The following SEC23A variants were observed in gnomAD, a reference collection of about 807,000 sequenced individuals.
SEC23A encodes the protein protein transport protein Sec23A.
In SEC23A, 56 loss-of-function variants were observed where a neutral mutation model predicts 103.7. The observed-to-expected ratio is 0.54, with a 90% CI of 0.44 to 0.67. SEC23A has a LOEUF of 0.67. Ranked by LOEUF, SEC23A falls within the 30% of genes least tolerant of loss-of-function variation. The pLI is 0.00. For synonymous variants in SEC23A, 281 were observed against 293.0 expected (o/e 0.96, Z 0.42); for missense variants, 784 against 936.4 (o/e 0.84, Z 2.12).
intron 7 of SEC23A, among the ~76,000 whole-genome samples, chr14:39,078,075 C>A (rs1403543822): frequency 2.0e-5 from 3 of 151,744 alleles, no homozygotes; most frequent in African/African-American, 4.8e-5. Context: ...CAAAGGGAGA[C>A]CTTGTCTGAA....
chr14:39,054,732 T>C (rs1207925157), intron 14 of SEC23A, among the ~76,000 whole-genome samples: 1 of 152,168 alleles, frequency 6.6e-6, no homozygotes, highest in African/African-American at 2.4e-5. Flanking sequence ...TTAGCCACCA[T>C]TCCTGGCCTA....
intron 9 of SEC23A, among the ~76,000 whole-genome samples, chr14:39,069,024 A>T (rs1234788011): frequency 6.6e-6 from 1 of 152,200 alleles, no homozygotes; most frequent in African/African-American, 2.4e-5. Flanking sequence ...GATTTTCTAC[A>T]AACATGTTAT....
rs150656863 is a variant in SEC23A at position 39,076,652 on chromosome 14, G to A, written c.829-559C>T. On this transcript the variant is annotated intron_variant, in intron 7 of 19. Coordinates refer to ENST00000307712, the MANE Select transcript of SEC23A (RefSeq NM_006364.4). ...AGAACAACAAAAAAAAAGGCCAGGCGTGGTGGCTCGCACTTGTAATCCCAG... is the reference window on the plus strand; with the variant it reads ...AGAACAACAAAAAAAAAGGCCAGGCATGGTGGCTCGCACTTGTAATCCCAG... 5.7e-3 allele frequency among the ~76,000 whole-genome samples: 863 copies of A among 152,048 alleles called. 9 individuals are homozygous for A. The highest frequency in any genetic ancestry group is 0.016 in the African/African-American group (671 of 41,494).
In SEC23A at chr14:39,096,128, T is replaced by G; in HGVS notation, c.-10A>C. 1.3e-6 allele frequency: 2 copies of G among 1,582,290 alleles called. No homozygotes were observed. Among genetic ancestry groups the G allele is most frequent in the Non-Finnish European group, 1.7e-6 (2 of 1,151,056 alleles). ...CCAAATAGGTTGTCATTGTGGAGTT[T>G]GATTCTTATTTCTGTATCAAAATTT... is the stretch of plus-strand genomic sequence containing the variant. On this transcript the variant is annotated 5_prime_UTR_variant, in exon 2 of 20. Coordinates refer to ENST00000307712, the MANE Select transcript of SEC23A (RefSeq NM_006364.4).
chr14:39,035,568 C>A (rs1003933983), intron 19 of SEC23A, among the ~76,000 whole-genome samples: 22 of 152,150 alleles, frequency 1.4e-4, no homozygotes, highest in African/African-American at 5.3e-4. Context: ...ACCAGCCTTC[C>A]ACCCTTCCAA....
chr14:39,058,465 G>A (rs541031078), intron 13 of SEC23A, among the ~76,000 whole-genome samples: 6 of 152,134 alleles, frequency 3.9e-5, no homozygotes, highest in South Asian at 2.1e-4. Context: ...CCGCCACCAC[G>A]CCCGGCTAAT....
Position 39,045,206 on chromosome 14 carries a change from A to G in SEC23A, c.1856T>C (p.Ile619Thr), listed in dbSNP as rs370086460. ...AGAATACGCATACAGGATAGGCTGAATCATAATTAGAGACTGGGTCAGATC... is the reference window on the plus strand; with the variant it reads ...AGAATACGCATACAGGATAGGCTGAGTCATAATTAGAGACTGGGTCAGATC... ...RQDLTQSLIMIQPILYAYSFS... is the reference protein window; with the variant it reads ...RQDLTQSLIMTQPILYAYSFS... The change falls in exon 16 of 20, where the codon ATT becomes ACT. Residue 619 changes from isoleucine to threonine, a missense_variant. Ile to Thr is a moderately conservative substitution (Grantham distance 89, BLOSUM62 -1). Coordinates refer to ENST00000307712, the MANE Select transcript of SEC23A (RefSeq NM_006364.4). The G allele has an allele frequency of 1.1e-4, 183 of 1,613,656 alleles. No homozygotes were observed. The highest frequency in any genetic ancestry group is 1.5e-4 in the Non-Finnish European group (176 of 1,179,836).
intron 14 of SEC23A, among the ~76,000 whole-genome samples, chr14:39,050,611 G>C (rs1331476319): frequency 2.0e-5 from 3 of 152,208 alleles, no homozygotes; most frequent in Admixed American, 2.0e-4. Flanking sequence ...CCAAAGGTCA[G>C]AGATGAATCA....
intron 19 of SEC23A, among the ~76,000 whole-genome samples, chr14:39,034,328 A>G (rs1885393937): frequency 6.6e-6 from 1 of 152,230 alleles, no homozygotes; most frequent in Non-Finnish European, 1.5e-5. Flanking sequence ...CCTATCTTAC[A>G]CAAGTTGTTG....
chr14:39,058,356 G>A (rs753700550), intron 13 of SEC23A, among the ~76,000 whole-genome samples: 32 of 151,282 alleles, frequency 2.1e-4, no homozygotes, highest in Non-Finnish European at 1.3e-4. Context: ...GCTGGACTGC[G>A]GACTGCAGTG....
chr14:39,092,443 T>G, intron 4 of SEC23A, 98 bp downstream of exon 4: 1 of 775,216 alleles, frequency 1.3e-6, no homozygotes, highest in Non-Finnish European at 2.2e-6. Flanking sequence ...CAAATCAATG[T>G]GAGAATTAAG....
chr14:39,052,143 C>T (rs1249786734), intron 14 of SEC23A, among the ~76,000 whole-genome samples: 1 of 151,962 alleles, frequency 6.6e-6, no homozygotes, highest in Non-Finnish European at 1.5e-5. Flanking sequence ...ACAACACACA[C>T]TGGGCACCTG....
intron 14 of SEC23A, among the ~76,000 whole-genome samples, chr14:39,053,577 G>C (rs1279895765): frequency 6.6e-6 from 1 of 150,528 alleles, no homozygotes; most frequent in African/African-American, 2.4e-5. Context: ...AGAGGTACTA[G>C]TATAAAAAAA....
chr14:39,092,521 A>G lies in SEC23A; in HGVS notation c.366+20T>C. 7.0e-7 allele frequency: 1 copy of G among 1,431,116 alleles called. No homozygotes were observed. Among genetic ancestry groups the G allele is most frequent in the Non-Finnish European group, 9.8e-7 (1 of 1,022,362 alleles). 88.7% of individuals were successfully genotyped at this position (1,431,116 alleles called of 1,614,324 possible). A position where few individuals can be genotyped will look rare whatever the true frequency, so the allele number is the denominator to read the frequency against. On this transcript the variant is annotated intron_variant, in intron 4 of 19. Transcript: ENST00000307712. ...TATAAATTTTAAAACTTTCTTAAAT[A>G]TTTGTTCTTAGGTTCTTACCAGAAC...
At chr14:39,053,791 C>T (rs572890225) in intron 14 of SEC23A, among the ~76,000 whole-genome samples, 1 of 152,194 alleles carries the variant, frequency 6.6e-6, no homozygotes, top group South Asian at 2.1e-4. Flanking sequence ...TAAAGAAGTA[C>T]CTTCAAAGAA....
intron 14 of SEC23A, among the ~76,000 whole-genome samples, chr14:39,052,188 T>C (rs1159908687): frequency 6.6e-6 from 1 of 151,824 alleles, no homozygotes. Context: ...TTGGGAAGAA[T>C]AGCTAATAGA....
intron 9 of SEC23A, among the ~76,000 whole-genome samples, chr14:39,073,600 CCT>C (rs1886911372): frequency 6.9e-6 from 1 of 145,936 alleles, no homozygotes; most frequent in African/African-American, 2.5e-5. Flanking sequence ...GGCTCTGATT[CCT>C]CTTTTTTTTT....
intron 7 of SEC23A, among the ~76,000 whole-genome samples, chr14:39,081,132 G>A (rs1227285964): frequency 1.3e-5 from 2 of 151,824 alleles, no homozygotes; most frequent in African/African-American, 4.8e-5. Flanking sequence ...TTGAGACCAG[G>A]AGTTTGAGGT....
At chr14:39,062,283 G>A (rs937424408) in intron 12 of SEC23A, among the ~76,000 whole-genome samples, 1 of 152,000 alleles carries the variant, frequency 6.6e-6, no homozygotes, top group Non-Finnish European at 1.5e-5. Flanking sequence ...TTAAACTCAG[G>A]AATATTTGCC....
Sources: gnomAD v4.1 joint callset for allele counts (sites outside exome capture counted in the v4.1 genomes callset) on GRCh38, gnomAD v4.1.1 for gene constraint, MANE v1.5 for transcripts, NCBI Gene and HGNC (gene_info 2026-07-23, HGNC 2026-07-21) for gene names.